Variants in SPATA2 observed in about 807,000 individuals in gnomAD.
The protein encoded by SPATA2 is spermatogenesis-associated protein 2.
A neutral mutation model predicts 35.4 loss-of-function variants in SPATA2; 8 were observed. That is an observed-to-expected ratio of 0.23 (90% CI 0.13 to 0.41). The LOEUF is 0.41. SPATA2 is among the 10% of genes least tolerant of loss of function. The pLI is 1.00. For missense variants in SPATA2, 650 were observed against 698.7 expected, an observed-to-expected ratio of 0.93 and a Z score of 0.79; for synonymous variants, 293 against 300.9, an observed-to-expected ratio of 0.97 and a Z score of 0.27.
At position 49,905,949 on chromosome 20, in the gene SPATA2, G is replaced by A. The variant is rs2090139685; in HGVS notation, c.1233C>T (p.Ser411=). 7 of 1,609,800 alleles carry A rather than the reference G, an allele frequency of 4.3e-6. No homozygotes were observed. The highest frequency in any genetic ancestry group is 2.2e-5 in the East Asian group (1 of 44,894). Residue 411 remains serine (S), a synonymous_variant, in exon 3 of 3, where the codon AGC becomes AGT. Coordinates refer to ENST00000289431, the MANE Select transcript of SPATA2 (RefSeq NM_006038.4). ...LLTCPPASKP[S]AFPSKASTHD... ...GAGTCGAGGCCTTGCTGGGGAAGGC[G>A]CTGGGCTTGGAAGCTGGAGGACAGG... is the stretch of plus-strand genomic sequence containing the variant.
rs890603247 is a variant in SPATA2 at position 49,915,491 on chromosome 20, C to G, written c.-214G>C. 6.6e-6 allele frequency: 1 copy of G among 152,292 alleles called. No homozygotes were observed. The highest frequency in any genetic ancestry group is 2.1e-4 in the South Asian group (1 of 4,838). The allele number at this position is 152,292 out of a possible 1,614,324, so 9.4% of individuals were successfully genotyped here. A position where few individuals can be genotyped will look rare whatever the true frequency, so the allele number is the denominator to read the frequency against. Reference sequence around the variant, plus strand: ...GCCTCTCCGGCCGGCTGCAGGGGTACTGAGACCAGTACCCGGGGGCCAGCA... The same window carrying G: ...GCCTCTCCGGCCGGCTGCAGGGGTAGTGAGACCAGTACCCGGGGGCCAGCA... On this transcript the variant is annotated 5_prime_UTR_variant, in exon 1 of 3. Transcript: ENST00000289431.
At chr20:49,907,851 A>T (rs548812217) in intron 2 of SPATA2, among the ~76,000 whole-genome samples, 58 of 149,656 alleles carry the variant, frequency 3.9e-4, no homozygotes, top group Non-Finnish European at 6.4e-4. Flanking sequence ...CCCTCTTCAG[A>T]TGCAAGCCAG....
rs1555853126 is a variant in SPATA2 at position 49,903,953 on chromosome 20, T to TA, written c.*1665dup. 11 of 97,132 alleles carry TA rather than the reference T, an allele frequency of 1.1e-4. No homozygotes were observed. Among genetic ancestry groups the TA allele is most frequent in the Non-Finnish European group, 1.5e-4 (7 of 45,692 alleles). 6.0% of individuals were successfully genotyped at this position (97,132 alleles called of 1,614,324 possible). A position where few individuals can be genotyped will look rare whatever the true frequency, so the allele number is the denominator to read the frequency against. Reference sequence around the variant, plus strand: ...TATATATATATATATATATATATATTAAAAAGAGAGCCATAGAAGATTTGG... The same window carrying TA: ...TATATATATATATATATATATATATTAAAAAAGAGAGCCATAGAAGATTTGG... On this transcript the variant is annotated 3_prime_UTR_variant, in exon 3 of 3. Coordinates refer to ENST00000289431, the MANE Select transcript of SPATA2 (RefSeq NM_006038.4).
intron 1 of SPATA2, among the ~76,000 whole-genome samples, chr20:49,914,058 A>T (rs549273114): frequency 1.3e-5 from 2 of 151,868 alleles, no homozygotes; most frequent in South Asian, 4.1e-4. Context: ...AACCCAAAAA[A>T]CAAAAAAACA....
chr20:49,905,860 T>A lies in SPATA2; in HGVS notation c.1322A>T (p.Asp441Val), dbSNP rs1272614921. 1 of 1,613,524 alleles carries A rather than the reference T, an allele frequency of 6.2e-7. No individual in the cohort carries two copies. Among genetic ancestry groups the A allele is most frequent in the East Asian group, 2.2e-5 (1 of 44,878 alleles). ...TTTGGAGTGAAGGTGCGGGAGGCGGTCGAGGCCCTGAGTCTGGCCTGGGTA... is the reference window on the plus strand; with the variant it reads ...TTTGGAGTGAAGGTGCGGGAGGCGGACGAGGCCCTGAGTCTGGCCTGGGTA... ...EKYPGQTQGL[D>V]RLPHLHSKSK... Residue 441 changes from aspartate to valine, a missense_variant, in exon 3 of 3, where the codon GAC (aspartate) becomes GTC (valine). Coordinates refer to ENST00000289431, the MANE Select transcript of SPATA2 (RefSeq NM_006038.4).
rs1436570618 is a variant in SPATA2 at position 49,908,082 on chromosome 20, G to C, written c.336+73C>G. 1.9e-5 allele frequency: 26 copies of C among 1,404,266 alleles called. No homozygotes were observed. The East Asian group carries it at 6.0e-4, about 32-fold the overall frequency. 87.0% of individuals were successfully genotyped at this position (1,404,266 alleles called of 1,614,324 possible). ...GGATGGATGGGATCAGACTGGCATA[G>C]CCTCTCAGGAGGGACTGCCAGGGGC... On this transcript the variant is annotated intron_variant, in intron 2 of 2. Coordinates refer to ENST00000289431, the MANE Select transcript of SPATA2 (RefSeq NM_006038.4).
Position 49,911,798 on chromosome 20 carries a change from G to C in SPATA2, c.-102-3206C>G, listed in dbSNP as rs567399595. Among the ~76,000 whole-genome samples the C allele has an allele frequency of 2.0e-5, 3 of 152,332 alleles. No homozygotes were observed. In the South Asian group the frequency reaches 6.2e-4, roughly 32 times the overall value. ...CCCAAGAATCCTGGGAGATCAGCTG[G>C]AGAGCAAAGAAACGGGCTCAGAAAG... On this transcript the variant is annotated intron_variant, in intron 1 of 2. Transcript: ENST00000289431.
At position 49,908,227 on chromosome 20, in the gene SPATA2, G is replaced by A. The variant is rs771425556; in HGVS notation, c.264C>T (p.Ala88=). Residue 88 remains alanine, a synonymous_variant, in exon 2 of 3, where the codon GCC becomes GCT. Transcript: ENST00000289431. ...TGCCCACCGTCTCCAGCATGCTGAA[G>A]GCGCCGTGCAGAGCCCGCAGGCTAG... The part of the protein sequence containing the change: ...SSSSLRALHG[A]FSMLETVGIN... 81 of 1,613,906 alleles carry A rather than the reference G, an allele frequency of 5.0e-5. No homozygotes were observed. The highest frequency in any genetic ancestry group is 5.6e-5 in the Non-Finnish European group (66 of 1,180,010).
chr20:49,904,951 T>C lies in SPATA2; in HGVS notation c.*668A>G, dbSNP rs1270950370. On this transcript the variant is annotated 3_prime_UTR_variant, in exon 3 of 3. Coordinates refer to ENST00000289431, the MANE Select transcript of SPATA2 (RefSeq NM_006038.4). Reference sequence around the variant, plus strand: ...CTGCTGTGGGAAGCCCACACATCAGTGTGTTGGAGCAAAGTTCACGAAGGC... The same window carrying C: ...CTGCTGTGGGAAGCCCACACATCAGCGTGTTGGAGCAAAGTTCACGAAGGC... The C allele has an allele frequency of 6.5e-6, 1 of 152,870 alleles. No individual in the cohort carries two copies. The highest frequency in any genetic ancestry group is 1.5e-5 in the Non-Finnish European group (1 of 68,326). 9.5% of individuals were successfully genotyped at this position (152,870 alleles called of 1,614,324 possible). A position where few individuals can be genotyped will look rare whatever the true frequency, so the allele number is the denominator to read the frequency against.
intron 1 of SPATA2, among the ~76,000 whole-genome samples, chr20:49,911,971 C>CT (rs757886225): frequency 3.3e-5 from 5 of 152,098 alleles, no homozygotes; most frequent in Non-Finnish European, 7.4e-5. Flanking sequence ...CACCCTCTGC[C>CT]TGAGCTGGAC....
Position 49,906,118 on chromosome 20 carries a change from G to T in SPATA2, c.1064C>A (p.Pro355Gln). The change falls in exon 3 of 3, where the codon CCG (proline) becomes CAG (glutamine). Residue 355 changes from proline (P) to glutamine (Q), a missense_variant. Physicochemically the swap from Pro to Gln is moderately conservative, Grantham distance 76. Transcript: ENST00000289431. The surrounding 1 kb of genome is among the most constrained non-coding windows in gnomAD (Gnocchi z 8.2). ...ATYRRQDALR[P>Q]DVWLLRNDAH... is the part of the protein sequence containing the mutation. ...ATCGTTTCTGAGCAGCCACACATCC[G>T]GCCGCAGAGCATCCTGCCGACGGTA... 1 of 1,612,370 alleles carries T rather than the reference G, an allele frequency of 6.2e-7. No homozygotes were observed. Among genetic ancestry groups the T allele is most frequent in the Non-Finnish European group, 8.5e-7 (1 of 1,179,494 alleles).
intron 1 of SPATA2, among the ~76,000 whole-genome samples, chr20:49,910,538 A>C (rs1447714621): frequency 2.0e-5 from 3 of 152,116 alleles, no homozygotes; most frequent in African/African-American, 7.2e-5. Context: ...GCCTGTGACC[A>C]TCTTGCTCAG....
At position 49,905,242 on chromosome 20, in the gene SPATA2, G is replaced by T. The variant is rs1600852049; in HGVS notation, c.*377C>A. 1 of 198,384 alleles carries T rather than the reference G, an allele frequency of 5.0e-6. No individual in the cohort carries two copies. Among genetic ancestry groups the T allele is most frequent in the East Asian group, 1.2e-4 (1 of 8,572 alleles). The allele number at this position is 198,384 out of a possible 1,614,324, so 12.3% of individuals were successfully genotyped here. A position where few individuals can be genotyped will look rare whatever the true frequency, so the allele number is the denominator to read the frequency against. On this transcript the variant is annotated 3_prime_UTR_variant, in exon 3 of 3. Coordinates refer to ENST00000289431, the MANE Select transcript of SPATA2 (RefSeq NM_006038.4). ...GAAGGGCCCTTCCCAGTCCAAGTTGGCTTTGCAATGGGAGGGGTAGGTGCA... is the reference window on the plus strand; with the variant it reads ...GAAGGGCCCTTCCCAGTCCAAGTTGTCTTTGCAATGGGAGGGGTAGGTGCA...
chr20:49,909,557 A>C (rs1438446949), intron 1 of SPATA2, among the ~76,000 whole-genome samples: 1 of 152,066 alleles, frequency 6.6e-6, no homozygotes, highest in Non-Finnish European at 1.5e-5. Context: ...ATACAAAAAA[A>C]TTTTTAAGAA....
intron 1 of SPATA2, among the ~76,000 whole-genome samples, chr20:49,912,233 C>A (rs972679592): frequency 6.6e-6 from 1 of 152,144 alleles, no homozygotes; most frequent in African/African-American, 2.4e-5. Flanking sequence ...GTGGGTGGAT[C>A]GCCTGAGATT....
chr20:49,905,991 G>A lies in SPATA2; in HGVS notation c.1191C>T (p.Arg397=), dbSNP rs923730412. 1 of 1,607,508 alleles carries A rather than the reference G, an allele frequency of 6.2e-7. No individual in the cohort carries two copies. The highest frequency in any genetic ancestry group is 1.7e-5 in the Admixed American group (1 of 60,016). ...GLSCSSSLCQ[R]CDSLLTCPPA... The stretch of plus-strand genomic sequence containing the variant: ...GAGGACAGGTGAGCAGGCTGTCACA[G>A]CGCTGGCAGAGGGAGGAGCTGCAGG... Residue 397 remains arginine (R), a synonymous_variant, in exon 3 of 3, where the codon CGC becomes CGT. Transcript: ENST00000289431.
At chr20:49,907,260 C>A (rs568823860) in intron 2 of SPATA2, among the ~76,000 whole-genome samples, 1 of 152,142 alleles carries the variant, frequency 6.6e-6, no homozygotes, top group African/African-American at 2.4e-5. Flanking sequence ...GGGGTTTCAC[C>A]GTGCTGGTCA....
intron 1 of SPATA2, among the ~76,000 whole-genome samples, chr20:49,912,712 C>T (rs1034979932): frequency 6.6e-6 from 1 of 152,060 alleles, no homozygotes; most frequent in Non-Finnish European, 1.5e-5. Context: ...GCTCTATAAT[C>T]GCACCACAGT....
rs2090124636 is a variant in SPATA2 at position 49,903,945 on chromosome 20, AT to A, written c.*1673del. 22 of 89,346 alleles carry A rather than the reference AT, an allele frequency of 2.5e-4. No individual in the cohort carries two copies. The highest frequency in any genetic ancestry group is 4.9e-4 in the Non-Finnish European group (21 of 43,062). The allele number at this position is 89,346 out of a possible 1,614,324, so 5.5% of individuals were successfully genotyped here. On this transcript the variant is annotated 3_prime_UTR_variant, in exon 3 of 3. Transcript: ENST00000289431. ...TATATATATATATATATATATATAT[AT>A]ATATATTAAAAAGAGAGCCATAGAA...
Sources: gnomAD v4.1 joint callset for allele counts (sites outside exome capture counted in the v4.1 genomes callset) on GRCh38, gnomAD v4.1.1 for gene constraint, Gnocchi (gnomAD v3.1) non-coding constraint, MANE v1.5 for transcripts, NCBI Gene and HGNC (gene_info 2026-07-23, HGNC 2026-07-21) for gene names.